The following PLCB1 variants were observed in gnomAD, a reference collection of about 807,000 sequenced individuals.
PLCB1 encodes phospholipase C beta 1.
In PLCB1, 46 loss-of-function variants were observed where a neutral mutation model predicts 161.8. The observed-to-expected ratio is 0.28, with a 90% confidence interval of 0.22 to 0.36. The LOEUF (loss-of-function observed/expected upper bound fraction) is 0.36. PLCB1 is among the 10% of genes least tolerant of loss of function. The pLI, the probability that PLCB1 is intolerant of heterozygous loss-of-function variation, is 1.00. For missense variants in PLCB1, 1,016 were observed against 1,472.5 expected (o/e 0.69, Z 5.07); for synonymous variants, 517 against 503.7 (o/e 1.03, Z -0.35).
intron 2 of PLCB1, chr20:8,306,398 A>G (rs1281553403): frequency 6.6e-6 from 1 of 152,236 alleles, no homozygotes; most frequent in African/African-American, 2.4e-5. Context: ...ATGTCAAACT[A>G]GAATCTTCTG....
chr20:8,143,522 A>C (rs1052418347), intron 1 of PLCB1, among the ~76,000 whole-genome samples: 1 of 152,240 alleles, frequency 6.6e-6, no homozygotes, highest in South Asian at 2.1e-4. Flanking sequence ...ACAGATGCTA[A>C]GCAAATAGAG....
intron 1 of PLCB1, among the ~76,000 whole-genome samples, chr20:8,140,992 T>G (rs1600192960): frequency 1.3e-5 from 2 of 151,998 alleles, no homozygotes; most frequent in South Asian, 4.2e-4. Flanking sequence ...GAGATAGGGT[T>G]TCTCCATGTT....
chr20:8,876,410 A>G (rs969846529), intron 31 of PLCB1, among the ~76,000 whole-genome samples: 1 of 152,172 alleles, frequency 6.6e-6, no homozygotes, highest in Non-Finnish European at 1.5e-5. Context: ...TTGAAAATCT[A>G]TCTGTCCTGT....
chr20:8,261,549 G>A (rs747630255), intron 2 of PLCB1, among the ~76,000 whole-genome samples: 7 of 152,026 alleles, frequency 4.6e-5, no homozygotes, highest in Non-Finnish European at 1.0e-4. Flanking sequence ...TGAAATGAAC[G>A]TGATCTTTCC....
intron 2 of PLCB1, among the ~76,000 whole-genome samples, chr20:8,165,839 A>G (rs2051669604): frequency 6.6e-6 from 1 of 151,958 alleles, no homozygotes; most frequent in Non-Finnish European, 1.5e-5. Flanking sequence ...AGTTTATGTG[A>G]CCTCTGCCTC....
intron 2 of PLCB1, chr20:8,249,717 C>T (rs1981046435): frequency 6.6e-6 from 1 of 152,030 alleles, no homozygotes; most frequent in African/African-American, 2.4e-5. Context: ...GCCATGTCTT[C>T]GTGTCTGTCT....
intron 3 of PLCB1, among the ~76,000 whole-genome samples, chr20:8,493,905 GTGTATGAGAGT>G: frequency 1.5e-5 from 2 of 136,008 alleles, no homozygotes; most frequent in Non-Finnish European, 1.5e-5. Flanking sequence ...CCTTACCTTG[GTGTATGAGAGT>G]CTGCATGAGT....
rs558258270 is a variant in PLCB1, at chr20:8,187,723, AT to A, written c.177+37357del. ...CTCACACGGATATTATGAATGATAA[AT>A]TTTTATGATGGATGAGTTCCTGACA... On this transcript the variant is annotated intron_variant, in intron 2 of 31. Coordinates refer to ENST00000338037, the MANE Select transcript of PLCB1 (RefSeq NM_015192.4). 1.2e-3 allele frequency among the ~76,000 whole-genome samples: 178 copies of A among 152,126 alleles called. 1 individual carries two copies. Among genetic ancestry groups the A allele is most frequent in the South Asian group, 0.011 (53 of 4,808 alleles).
chr20:8,759,628 G>A (rs1981910351), intron 24 of PLCB1, among the ~76,000 whole-genome samples: 1 of 152,104 alleles, frequency 6.6e-6, no homozygotes, highest in Non-Finnish European at 1.5e-5. Context: ...AGCCTCCCAA[G>A]TAGCTGGGAT....
chr20:8,255,480 T>A (rs1981364143), intron 2 of PLCB1, among the ~76,000 whole-genome samples: 1 of 152,074 alleles, frequency 6.6e-6, no homozygotes, highest in Non-Finnish European at 1.5e-5. Flanking sequence ...TCCTTCAGCT[T>A]AGCAGTTATT....
chr20:8,410,002 T>TA (rs143253950), intron 3 of PLCB1, among the ~76,000 whole-genome samples: 3,038 of 151,042 alleles, frequency 0.02, 105 homozygotes, highest in African/African-American at 0.067. Flanking sequence ...TCCTGATAGC[T>TA]AAAAAAAAAT....
Position 8,856,673 on chromosome 20 carries a change from A to G in PLCB1, c.3424-24949A>G, listed in dbSNP as rs376619201. Among the ~76,000 whole-genome samples the G allele has an allele frequency of 7.2e-5, 11 of 152,206 alleles. No homozygotes were observed. The East Asian group carries it at 1.2e-3, about 16-fold the overall frequency. ...CAAAAAAGTATATACATTATTATTCAGTGTATATGAAGAGTTAGAAAATAT... is the reference window on the plus strand; with the variant it reads ...CAAAAAAGTATATACATTATTATTCGGTGTATATGAAGAGTTAGAAAATAT... On this transcript the variant is annotated intron_variant, in intron 31 of 31. Transcript: ENST00000338037.
At chr20:8,720,593 A>T (rs530394660) in intron 14 of PLCB1, among the ~76,000 whole-genome samples, 1 of 151,910 alleles carries the variant, frequency 6.6e-6, no homozygotes, top group South Asian at 2.1e-4. Context: ...GTCCTAAGGA[A>T]CTAGGGTAAC....
intron 3 of PLCB1, among the ~76,000 whole-genome samples, chr20:8,499,425 A>G (rs1264035322): frequency 6.6e-6 from 1 of 152,184 alleles, no homozygotes; most frequent in Non-Finnish European, 1.5e-5. Context: ...AAATAACTAT[A>G]TATTTTTTTC....
At chr20:8,280,283 A>G (rs889135506) in intron 2 of PLCB1, among the ~76,000 whole-genome samples, 2 of 151,786 alleles carry the variant, frequency 1.3e-5, no homozygotes, top group African/African-American at 4.8e-5. Context: ...TGCATTGAGC[A>G]GAGGTCACAC....
chr20:8,135,155 A>G (rs2122997858), intron 1 of PLCB1, among the ~76,000 whole-genome samples: 1 of 152,310 alleles, frequency 6.6e-6, no homozygotes, highest in East Asian at 1.9e-4. Flanking sequence ...TCTTGAATCA[A>G]AGGCCTGAGT....
At chr20:8,817,959 G>A (rs1189679969) in intron 31 of PLCB1, among the ~76,000 whole-genome samples, 1 of 152,150 alleles carries the variant, frequency 6.6e-6, no homozygotes, top group Non-Finnish European at 1.5e-5. Context: ...CATAGTTATA[G>A]CAACAGAAAG....
rs1288546630 is a variant in PLCB1 at position 8,450,381 on chromosome 20, CA to C, written c.246+78932del. Among the ~76,000 whole-genome samples the C allele has an allele frequency of 3.3e-3, 500 of 151,720 alleles. 4 individuals are homozygous for C. Among genetic ancestry groups the C allele is most frequent in the African/African-American group, 0.012 (481 of 41,266 alleles). On this transcript the variant is annotated intron_variant, in intron 3 of 31. Coordinates refer to ENST00000338037, the MANE Select transcript of PLCB1 (RefSeq NM_015192.4). Reference sequence around the variant, plus strand: ...AAAGCCATCACATAAATTTTTCTTTCATTTTTTTTTTTGTCAGTCTCTGAAA... The same window carrying C: ...AAAGCCATCACATAAATTTTTCTTTCTTTTTTTTTTTGTCAGTCTCTGAAA...
chr20:8,514,229 C>T (rs1210416795), intron 3 of PLCB1, among the ~76,000 whole-genome samples: 2 of 151,834 alleles, frequency 1.3e-5, no homozygotes, highest in Non-Finnish European at 2.9e-5. Context: ...TGCCTGAGCT[C>T]AGGAGTTCGA....
Sources: allele counts gnomAD v4.1 joint callset (sites outside exome capture counted in the v4.1 genomes callset), GRCh38; gene constraint gnomAD v4.1.1; transcripts MANE v1.5; gene names NCBI Gene and HGNC (gene_info 2026-07-23, HGNC 2026-07-21).